The following CCNDBP1 variants were observed in gnomAD, a reference collection of about 807,000 sequenced individuals.
CCNDBP1 encodes the protein cyclin D1 binding protein 1.
A neutral mutation model predicts 46.2 loss-of-function variants in CCNDBP1; 45 were observed. That is an observed-to-expected ratio of 0.97 (90% CI 0.77 to 1.25). CCNDBP1 has a LOEUF of 1.25. CCNDBP1 is among the 50% of genes most tolerant of loss of function. CCNDBP1 has a pLI of 0.00. For synonymous variants in CCNDBP1, 154 were observed against 163.6 expected, an observed-to-expected ratio of 0.94 and a Z score of 0.45; for missense variants, 436 against 442.1, an observed-to-expected ratio of 0.99 and a Z score of 0.12.
At chr15:43,187,890 T>C (rs930541849) in intron 3 of CCNDBP1, among the ~76,000 whole-genome samples, 1 of 152,160 alleles carries the variant, frequency 6.6e-6, no homozygotes. Context: ...TAAATACATA[T>C]ATGTATATAT....
Position 43,195,054 on chromosome 15 carries a change from A to T in CCNDBP1, c.*213A>T, listed in dbSNP as rs1439389956. ...ATATTTTTCTGTGCTATATATGAAA[A>T]ATAATTGCATGATTTCTCATTCCTG... On this transcript the variant is annotated 3_prime_UTR_variant, in exon 11 of 11. Coordinates refer to ENST00000300213, the MANE Select transcript of CCNDBP1 (RefSeq NM_012142.5). The T allele has an allele frequency of 2.5e-6, 1 of 402,752 alleles. No individual in the cohort carries two copies. Among genetic ancestry groups the T allele is most frequent in the African/African-American group, 2.1e-5 (1 of 48,336 alleles). 24.9% of individuals were successfully genotyped at this position (402,752 alleles called of 1,614,324 possible). A position where few individuals can be genotyped will look rare whatever the true frequency, so the allele number is the denominator to read the frequency against.
intron 7 of CCNDBP1, 129 bp from the exon 8 acceptor site, chr15:43,191,266 T>C (rs1165828125): frequency 3.1e-6 from 3 of 973,212 alleles, no homozygotes; most frequent in Non-Finnish European, 3.0e-6. Flanking sequence ...TTCAACTCTG[T>C]AGCCCTTAGT....
Position 43,189,101 on chromosome 15 carries a change from A to AAAAAAAAAAAAAAAAAAG in CCNDBP1, c.250-95_250-94insAAAAAAAAAAAAAAGAAA, listed in dbSNP as rs756151109. The stretch of plus-strand genomic sequence containing the variant: ...TCAAAAAAAAAAAAAAAAAAAAAAA[A>AAAAAAAAAAAAAAAAAAG]AAAGAAAAAGAAAGAAAAGAAAAAG... On this transcript the variant is annotated intron_variant, in intron 3 of 10. Coordinates refer to ENST00000300213, the MANE Select transcript of CCNDBP1 (RefSeq NM_012142.5). 2.7e-4 allele frequency: 45 copies of AAAAAAAAAAAAAAAAAAG among 165,882 alleles called. 4 individuals carry two copies. Among genetic ancestry groups the AAAAAAAAAAAAAAAAAAG allele is most frequent in the Non-Finnish European group, 3.8e-4 (34 of 89,542 alleles). 10.3% of individuals were successfully genotyped at this position (165,882 alleles called of 1,614,324 possible).
Position 43,196,246 on chromosome 15 carries a change from G to A in CCNDBP1, c.*1405G>A, listed in dbSNP as rs563482654. On this transcript the variant is annotated 3_prime_UTR_variant, in exon 11 of 11. Transcript: ENST00000300213. ...GTTCAGTCATGTTTGGATCTTTAAG[G>A]ATAATGATCAGGGAAAGCACTGATC... 1.3e-5 allele frequency: 2 copies of A among 150,590 alleles called. No individual in the cohort carries two copies. The highest frequency in any genetic ancestry group is 4.9e-5 in the African/African-American group (2 of 40,968). The allele number at this position is 150,590 out of a possible 1,614,324, so 9.3% of individuals were successfully genotyped here.
At chr15:43,191,343 CTTTTTTTT>C (rs3214529) in intron 7 of CCNDBP1, 44 bp from the exon 8 acceptor site, 508 of 682,014 alleles carry the variant, frequency 7.4e-4, no homozygotes, top group Middle Eastern at 1.3e-3. Context: ...TAGGCCTCGC[CTTTTTTTT>C]TTTTTTTTTT....
intron 1 of CCNDBP1, 100 bp from the exon 2 acceptor site, chr15:43,185,720 G>GGGC: frequency 6.9e-7 from 1 of 1,443,890 alleles, no homozygotes; most frequent in Non-Finnish European, 9.3e-7. Context: ...GGGCGGGCTG[G>GGGC]GGCGGCGGCG....
At chr15:43,185,779 C>T (rs777169753) in intron 1 of CCNDBP1, 41 bp from the exon 2 acceptor site, 7 of 1,599,990 alleles carry the variant, frequency 4.4e-6, no homozygotes, top group Non-Finnish European at 6.0e-6. Context: ...CTCAGCTTTT[C>T]CATTCGCCAC....
intron 7 of CCNDBP1, 56 bp from the exon 8 acceptor site, chr15:43,191,337 CCT>C: frequency 7.2e-7 from 1 of 1,390,796 alleles, no homozygotes; most frequent in Non-Finnish European, 9.6e-7. Context: ...TAATAATAGG[CCT>C]CGCCTTTTTT....
chr15:43,191,776 T>A, intron 8 of CCNDBP1, 101 bp downstream of exon 8: 4 of 1,384,478 alleles, frequency 2.9e-6, no homozygotes, highest in Non-Finnish European at 3.9e-6. Flanking sequence ...TTTTGAAATT[T>A]TTCAAACCTA....
rs1258608907 is a variant in CCNDBP1 at position 43,197,084 on chromosome 15, C to T, written c.*2243C>T. 1 of 606,704 alleles carries T rather than the reference C, an allele frequency of 1.6e-6. No homozygotes were observed. The highest frequency in any genetic ancestry group is 1.9e-5 in the South Asian group (1 of 52,060). The allele number at this position is 606,704 out of a possible 1,614,324, so 37.6% of individuals were successfully genotyped here. ...CTCTGCTCACGTTGCCTCCCTTCAT[C>T]TTCCTGCATAAGTGGAAGCAGCCTG... On this transcript the variant is annotated 3_prime_UTR_variant, in exon 11 of 11. Coordinates refer to ENST00000300213, the MANE Select transcript of CCNDBP1 (RefSeq NM_012142.5).
Position 43,196,670 on chromosome 15 carries a change from G to A in CCNDBP1, c.*1829G>A. 6.5e-6 allele frequency: 1 copy of A among 154,084 alleles called. No individual in the cohort carries two copies. Among genetic ancestry groups the A allele is most frequent in the South Asian group, 2.0e-4 (1 of 5,006 alleles). 9.5% of individuals were successfully genotyped at this position (154,084 alleles called of 1,614,324 possible). A position where few individuals can be genotyped will look rare whatever the true frequency, so the allele number is the denominator to read the frequency against. ...CATCAGAAATATTAGAATGATTTAA[G>A]TGTTAGGTCCTTTCCCTTATCTGTA... is the stretch of plus-strand genomic sequence containing the variant. On this transcript the variant is annotated 3_prime_UTR_variant, in exon 11 of 11. Transcript: ENST00000300213.
At chr15:43,186,970 C>T (rs934912787) in intron 3 of CCNDBP1, among the ~76,000 whole-genome samples, 2 of 152,100 alleles carry the variant, frequency 1.3e-5, no homozygotes, top group Non-Finnish European at 1.5e-5. Context: ...AAAAAATTCC[C>T]GGAAGTAGAA....
Position 43,185,430 on chromosome 15 carries a change from G to A in CCNDBP1, c.-69G>A. ...TGACGCTGTGGCCCGGAAGTGGAGC[G>A]GCTGTCGCAGTGCGGCTCCGGCAGT... On this transcript the variant is annotated 5_prime_UTR_variant, in exon 1 of 11. Transcript: ENST00000300213. 1 of 1,202,760 alleles carries A rather than the reference G, an allele frequency of 8.3e-7. No individual in the cohort carries two copies. Among genetic ancestry groups the A allele is most frequent in the Non-Finnish European group, 1.2e-6 (1 of 841,746 alleles). The allele number at this position is 1,202,760 out of a possible 1,614,324, so 74.5% of individuals were successfully genotyped here.
In CCNDBP1 at chr15:43,185,507, C is replaced by G; in HGVS notation, c.9C>G (p.Ser3Arg). The change falls in exon 1 of 11, where the codon AGC (serine) becomes AGG (arginine). Residue 3 changes from serine to arginine, a missense_variant. Physicochemically the swap from Ser to Arg is moderately radical, Grantham distance 110. Coordinates refer to ENST00000300213, the MANE Select transcript of CCNDBP1 (RefSeq NM_012142.5). ...TTCGGCAAGCGACTGAGATGGCGAG[C>G]GCAACTGCACCTGCAGCCGCAGTCC... is the stretch of plus-strand genomic sequence containing the variant. Reference protein sequence around the residue: MASATAPAAAVPT... With the variant: MARATAPAAAVPT... 1 of 1,591,502 alleles carries G rather than the reference C, an allele frequency of 6.3e-7. No homozygotes were observed. Among genetic ancestry groups the G allele is most frequent in the Non-Finnish European group, 8.5e-7 (1 of 1,172,338 alleles).
chr15:43,197,162 C>G lies in CCNDBP1; in HGVS notation c.*2321C>G, dbSNP rs2042048578. The G allele has an allele frequency of 8.1e-7, 1 of 1,241,858 alleles. No individual in the cohort carries two copies. Among genetic ancestry groups the G allele is most frequent in the Non-Finnish European group, 1.2e-6 (1 of 868,512 alleles). 76.9% of individuals were successfully genotyped at this position (1,241,858 alleles called of 1,614,324 possible). A position where few individuals can be genotyped will look rare whatever the true frequency, so the allele number is the denominator to read the frequency against. On this transcript the variant is annotated 3_prime_UTR_variant, in exon 11 of 11. Transcript: ENST00000300213. ...GCAGAGCCGTGAGCCAAATAAAGCT[C>G]TTTTCTTTTAAACTACCCAGCCTCA...
rs147918622 is a variant in CCNDBP1 at position 43,195,515 on chromosome 15, T to G, written c.*674T>G. On this transcript the variant is annotated 3_prime_UTR_variant, in exon 11 of 11. Transcript: ENST00000300213. Reference sequence around the variant, plus strand: ...TTCCTTATACATACTTGTGTTGTCCTTGGTTACGTGTGTCCCCAAATGTAA... The same window carrying G: ...TTCCTTATACATACTTGTGTTGTCCGTGGTTACGTGTGTCCCCAAATGTAA... 49 of 152,356 alleles carry G rather than the reference T, an allele frequency of 3.2e-4. No homozygotes were observed. Among genetic ancestry groups the G allele is most frequent in the African/African-American group, 1.1e-3 (47 of 41,598 alleles). 9.4% of individuals were successfully genotyped at this position (152,356 alleles called of 1,614,324 possible). A position where few individuals can be genotyped will look rare whatever the true frequency, so the allele number is the denominator to read the frequency against.
intron 9 of CCNDBP1, 90 bp from the exon 10 acceptor site, chr15:43,194,325 A>AT (rs1283966473): frequency 2.8e-6 from 3 of 1,090,082 alleles, no homozygotes; most frequent in South Asian, 1.9e-5. Context: ...TTTCTAAATA[A>AT]TTTTTTTATT....
intron 9 of CCNDBP1, chr15:43,194,045 G>GTT (rs1567265924): frequency 3.0e-5 from 3 of 100,760 alleles, no homozygotes; most frequent in South Asian, 1.2e-4. Context: ...TTCTTAATGC[G>GTT]CTTTTTTTTT....
intron 2 of CCNDBP1, 76 bp from the exon 3 acceptor site, chr15:43,186,078 G>T (rs1395947663): frequency 7.2e-6 from 10 of 1,396,868 alleles, no homozygotes; most frequent in South Asian, 2.3e-5. Flanking sequence ...GAGAAGTCTC[G>T]GTCGGTAAGG....
Sources: gnomAD v4.1 joint callset for allele counts (sites outside exome capture counted in the v4.1 genomes callset) on GRCh38, gnomAD v4.1.1 for gene constraint, MANE v1.5 for transcripts, NCBI Gene and HGNC (gene_info 2026-07-23, HGNC 2026-07-21) for gene names.